The following SRBD1 variants were observed in gnomAD, a reference collection of about 807,000 sequenced individuals.
SRBD1 encodes the protein S1 RNA-binding domain-containing protein 1.
SRBD1 carries 88 observed loss-of-function variants against 115.3 expected under a neutral mutation model. The ratio of observed to expected loss-of-function variants is 0.76; its 90% CI spans 0.64 to 0.91. SRBD1 has a LOEUF of 0.91. Among genes scored for constraint, SRBD1 ranks in the 40% least tolerant of loss-of-function variants. The pLI is 0.00. For missense variants in SRBD1, 1,385 were observed against 1,177.4 expected (o/e 1.18, Z -2.58); for synonymous variants, 509 against 407.7 (o/e 1.25, Z -2.99).
chr2:45,534,679 T>C (rs1488919660), intron 14 of SRBD1, among the ~76,000 whole-genome samples: 2 of 152,006 alleles, frequency 1.3e-5, no homozygotes, highest in African/African-American at 2.4e-5. Flanking sequence ...CAAATTCCAC[T>C]TGTGAAACGG....
At chr2:45,461,740 T>C (rs1669324277) in intron 16 of SRBD1, among the ~76,000 whole-genome samples, 1 of 152,156 alleles carries the variant, frequency 6.6e-6, no homozygotes, top group Non-Finnish European at 1.5e-5. Context: ...TAAAAATGCA[T>C]CCTACAAAAG....
intron 7 of SRBD1, 51 bp downstream of exon 7, chr2:45,579,824 T>TA (rs374392017): frequency 0.023 from 30,237 of 1,303,350 alleles, 6 homozygotes; most frequent in African/African-American, 0.029. Context: ...GTTTTTAAAT[T>TA]AAAAAAAAAA....
At chr2:45,581,226 T>C (rs1275874535) in intron 6 of SRBD1, among the ~76,000 whole-genome samples, 1 of 152,156 alleles carries the variant, frequency 6.6e-6, no homozygotes, top group Non-Finnish European at 1.5e-5. Context: ...ATTCTCCTCA[T>C]ACTTCTCTAT....
chr2:45,476,861 C>T, intron 16 of SRBD1, 132 bp downstream of exon 16: 5 of 727,158 alleles, frequency 6.9e-6, no homozygotes, highest in Non-Finnish European at 2.2e-6. Context: ...ACTTAAAACT[C>T]CTACTTTCCA....
At chr2:45,414,566 C>A (rs1409389527) in intron 18 of SRBD1, among the ~76,000 whole-genome samples, 1 of 149,304 alleles carries the variant, frequency 6.7e-6, no homozygotes, top group African/African-American at 2.5e-5. Context: ...TGTGTGTACA[C>A]ACATAGTGTG....
intron 4 of SRBD1, among the ~76,000 whole-genome samples, chr2:45,594,832 C>T (rs544534428): frequency 6.6e-6 from 1 of 152,294 alleles, no homozygotes; most frequent in East Asian, 1.9e-4. Context: ...AGAATGATAA[C>T]AGCCAATTTA....
At chr2:45,483,835 A>C (rs146127968) in intron 15 of SRBD1, among the ~76,000 whole-genome samples, 5 of 152,110 alleles carry the variant, frequency 3.3e-5, no homozygotes, top group South Asian at 2.1e-4. Context: ...ATGCAAATCT[A>C]CTGTAATCCT....
chr2:45,506,773 C>T (rs937687809), intron 14 of SRBD1, among the ~76,000 whole-genome samples: 14 of 152,138 alleles, frequency 9.2e-5, no homozygotes, highest in African/African-American at 2.2e-4. Context: ...TACTCTCACA[C>T]GTATGTTCTA....
At chr2:45,561,969 C>G (rs765044584) in intron 10 of SRBD1, among the ~76,000 whole-genome samples, 1 of 152,112 alleles carries the variant, frequency 6.6e-6, no homozygotes, top group Non-Finnish European at 1.5e-5. Context: ...CTAAACACTT[C>G]AGATATGATA....
At chr2:45,538,553 T>A (rs1392351835) in intron 14 of SRBD1, among the ~76,000 whole-genome samples, 1 of 152,250 alleles carries the variant, frequency 6.6e-6, no homozygotes, top group Non-Finnish European at 1.5e-5. Context: ...CTACAGAAGA[T>A]ATTTCAACTG....
intron 6 of SRBD1, 29 bp from the exon 7 acceptor site, chr2:45,580,042 T>C (rs1042752362): frequency 3.4e-6 from 5 of 1,449,574 alleles, no homozygotes; most frequent in Middle Eastern, 1.9e-4. Flanking sequence ...AAACATATGA[T>C]TATGTTTTAA....
intron 4 of SRBD1, 100 bp downstream of exon 4, chr2:45,599,349 T>A (rs768751977): frequency 1.4e-6 from 2 of 1,477,980 alleles, no homozygotes; most frequent in Non-Finnish European, 1.8e-6. Flanking sequence ...GAAGAGAGAA[T>A]TGAAAACCCC....
intron 10 of SRBD1, among the ~76,000 whole-genome samples, chr2:45,561,313 C>T (rs1672658055): frequency 6.6e-6 from 1 of 152,192 alleles, no homozygotes; most frequent in South Asian, 2.1e-4. Context: ...ATGGATATAA[C>T]ATAATTGGCT....
chr2:45,508,957 A>G (rs1201902260), intron 14 of SRBD1, among the ~76,000 whole-genome samples: 3 of 152,130 alleles, frequency 2.0e-5, no homozygotes, highest in Non-Finnish European at 4.4e-5. Flanking sequence ...CAGACAGAAA[A>G]ATGTTTGCAG....
chr2:45,411,968 C>T (rs1186483270), intron 19 of SRBD1, among the ~76,000 whole-genome samples: 1 of 152,012 alleles, frequency 6.6e-6, no homozygotes. Flanking sequence ...AAAAATTAGC[C>T]AGACCGTGGT....
At chr2:45,602,533 C>T (rs1382974193) in intron 2 of SRBD1, among the ~76,000 whole-genome samples, 1 of 152,176 alleles carries the variant, frequency 6.6e-6, no homozygotes, top group African/African-American at 2.4e-5. Context: ...TGAGAAATGG[C>T]TCTAGGAAAC....
intron 16 of SRBD1, among the ~76,000 whole-genome samples, chr2:45,454,397 A>G (rs1007848571): frequency 6.6e-6 from 1 of 151,850 alleles, no homozygotes; most frequent in African/African-American, 2.4e-5. Context: ...GTGTAAACTT[A>G]TTTAAATTTA....
At chr2:45,585,506 A>G in intron 5 of SRBD1, 102 bp downstream of exon 5, 1 of 1,299,746 alleles carries the variant, frequency 7.7e-7, no homozygotes, top group Non-Finnish European at 1.1e-6. Flanking sequence ...ATTCAAGGAA[A>G]CAAAATGTTG....
chr2:45,493,585 T>C (rs1008635352), intron 14 of SRBD1, among the ~76,000 whole-genome samples: 1 of 151,864 alleles, frequency 6.6e-6, no homozygotes, highest in South Asian at 2.1e-4. Context: ...CCCAGGTGGG[T>C]GGATCACCTG....
Sources: gnomAD v4.1 joint callset for allele counts (sites outside exome capture counted in the v4.1 genomes callset) on GRCh38, gnomAD v4.1.1 for gene constraint, MANE v1.5 for transcripts, NCBI Gene and HGNC (gene_info 2026-07-23, HGNC 2026-07-21) for gene names.